Variants in SERINC5 observed in about 807,000 individuals in gnomAD.
SERINC5 encodes the protein chromosome 5 open reading frame 12.
A neutral mutation model predicts 63.1 loss-of-function variants in SERINC5; 41 were observed. The observed-to-expected ratio is 0.65, with a 90% CI of 0.51 to 0.84. The LOEUF (loss-of-function observed/expected upper bound fraction) is 0.84, where lower values mean the gene tolerates loss of function less well. Ranked by LOEUF, SERINC5 falls within the 40% of genes least tolerant of loss-of-function variation. The pLI is 0.00. For synonymous variants in SERINC5, 222 were observed against 215.2 expected (o/e 1.03, Z -0.28); for missense variants, 523 against 573.0 (o/e 0.91, Z 0.89).
intron 1 of SERINC5, among the ~76,000 whole-genome samples, chr5:80,208,126 A>G (rs550775998): frequency 6.6e-6 from 1 of 152,214 alleles, no homozygotes; most frequent in Non-Finnish European, 1.5e-5. Context: ...TAAAGCTTTT[A>G]CTGAAAAAGT....
At chr5:80,118,714 A>ATTTTTT (rs34814066) in intron 11 of SERINC5, among the ~76,000 whole-genome samples, 75 of 108,218 alleles carry the variant, frequency 6.9e-4, no homozygotes, top group African/African-American at 2.1e-3. Context: ...TGTCCAGCTA[A>ATTTTTT]TTTTTTTTTT....
chr5:80,134,417 T>C (rs376797495), downstream of SERINC5, among the ~76,000 whole-genome samples: 8 of 152,054 alleles, frequency 5.3e-5, no homozygotes, highest in East Asian at 1.4e-3. Context: ...ACCCAGGAGG[T>C]GGAGATTGCA....
Position 80,203,053 on chromosome 5 carries a change from G to C in SERINC5, c.28C>G (p.Leu10Val), listed in dbSNP as rs769242465. MSAQCCAGQLACCCGSAGCS... is the reference protein window; with the variant it reads MSAQCCAGQVACCCGSAGCS... ...CCTGCAGACCCACAGCAGCAGGCCAGCTAGAAAAGGAACAGAAGGCATCTG... is the reference window on the plus strand; with the variant it reads ...CCTGCAGACCCACAGCAGCAGGCCACCTAGAAAAGGAACAGAAGGCATCTG... The change falls in exon 2 of 12, where the codon CTG (leucine) becomes GTG (valine). Residue 10 changes from leucine (L) to valine (V), a missense_variant and splice_region_variant. By Grantham distance (32) the Leu-to-Val change is conservative. Coordinates refer to ENST00000507668, the MANE Select transcript of SERINC5 (RefSeq NM_001174072.3). 2 of 1,602,220 alleles carry C rather than the reference G, an allele frequency of 1.2e-6. No individual in the cohort carries two copies. Among genetic ancestry groups the C allele is most frequent in the African/African-American group, 1.3e-5 (1 of 74,580 alleles).
Position 80,189,184 on chromosome 5 carries a change from A to G in SERINC5, c.196-11120T>C, listed in dbSNP as rs76362862. 9.3e-3 allele frequency among the ~76,000 whole-genome samples: 1,422 copies of G among 152,280 alleles called. 30 individuals are homozygous for G. The highest frequency in any genetic ancestry group is 0.033 in the African/African-American group (1,362 of 41,540). On this transcript the variant is annotated intron_variant, in intron 2 of 11. Coordinates refer to ENST00000507668, the MANE Select transcript of SERINC5 (RefSeq NM_001174072.3). The stretch of plus-strand genomic sequence containing the variant: ...TTGAACGGATACTGCCAAACTCTCC[A>G]TAAGAAGGGTTTTGGAAACTCTGGA...
Position 80,143,784 on chromosome 5 carries a change from A to C in SERINC5, c.1265T>G (p.Phe422Cys). 1.3e-6 allele frequency: 2 copies of C among 1,536,156 alleles called. No individual in the cohort carries two copies. Among genetic ancestry groups the C allele is most frequent in the Non-Finnish European group, 1.7e-6 (2 of 1,146,886 alleles). The change falls in exon 12 of 12, where the codon TTC (phenylalanine) becomes TGC (cysteine). Residue 422 changes from phenylalanine (F) to cysteine (C), a missense_variant. By Grantham distance (205) the Phe-to-Cys change is radical. Transcript: ENST00000507668. ...FNYESANIES[F>C]FSGSWSIFWV... ...GAAGATGGACCAGCTCCCGCTGAAG[A>C]AGCTCTCGATGTTGGCACTTTCGTA...
intron 5 of SERINC5, 93 bp downstream of exon 5, chr5:80,174,861 C>A (rs1747925519): frequency 1.3e-6 from 1 of 780,646 alleles, no homozygotes; most frequent in Non-Finnish European, 2.0e-6. Context: ...GGAAACAAAA[C>A]TGCAAATCCC....
At chr5:80,173,223 AAAGAAGGAAGGAAGGAAGG>A (rs899294869) in intron 5 of SERINC5, among the ~76,000 whole-genome samples, 40 of 132,012 alleles carry the variant, frequency 3.0e-4, no homozygotes, top group African/African-American at 1.1e-3. Flanking sequence ...GGCAGGAAGG[AAAGAAGGAAGGAAGGAAGG>A]AAGGAAGGAA....
intron 1 of SERINC5, among the ~76,000 whole-genome samples, chr5:80,206,158 T>C (rs1750153535): frequency 6.6e-6 from 1 of 152,306 alleles, no homozygotes; most frequent in East Asian, 1.9e-4. Flanking sequence ...AAAATCTGTA[T>C]GTATTAACAC....
chr5:80,177,314 C>T lies in SERINC5; in HGVS notation c.457+1G>A, dbSNP rs892700129. On this transcript the variant is annotated splice_donor_variant, in intron 4 of 11. Coordinates refer to ENST00000507668, the MANE Select transcript of SERINC5 (RefSeq NM_001174072.3). LOFTEE classifies it high-confidence loss of function. ...AGATACCCAAAATACCCCATTAGTA[C>T]CGTTCAGAAAGGTGTCCTGATCTGG... 1.9e-6 allele frequency: 3 copies of T among 1,608,094 alleles called. No individual in the cohort carries two copies. The highest frequency in any genetic ancestry group is 1.7e-6 in the Non-Finnish European group (2 of 1,174,720).
chr5:80,159,258 G>T (rs1746734217), intron 7 of SERINC5, among the ~76,000 whole-genome samples: 1 of 152,166 alleles, frequency 6.6e-6, no homozygotes, highest in Non-Finnish European at 1.5e-5. Flanking sequence ...TCGAAGTCAG[G>T]TGCATTTTTC....
At position 80,255,903 on chromosome 5, in the gene SERINC5, G is replaced by T. The variant is rs868415074; in HGVS notation, c.20C>A (p.Ala7Glu). The change falls in exon 1 of 12, where the codon GCG becomes GAG. Residue 7 changes from alanine to glutamate, a missense_variant. By Grantham distance (107) the Ala-to-Glu change is moderately radical. Transcript: ENST00000507668. ...GCGCCCGGCCTCGCTCACCTGGCCC[G>T]CACAGCACTGAGCTGACATCGCGGC... The part of the protein sequence containing the change: MSAQCC[A>E]GQLACCCGSA... 6.3e-7 allele frequency: 1 copy of T among 1,585,050 alleles called. No homozygotes were observed. The highest frequency in any genetic ancestry group is 8.5e-7 in the Non-Finnish European group (1 of 1,171,340).
At chr5:80,206,811 CTTT>C (rs35026792) in intron 1 of SERINC5, among the ~76,000 whole-genome samples, 3 of 117,786 alleles carry the variant, frequency 2.5e-5, no homozygotes, top group African/African-American at 3.2e-5. Context: ...TCACTGATTG[CTTT>C]TTTTTTTTTT....
At chr5:80,244,631 A>G (rs977002180) in intron 1 of SERINC5, among the ~76,000 whole-genome samples, 4 of 151,598 alleles carry the variant, frequency 2.6e-5, no homozygotes, top group Non-Finnish European at 5.9e-5. Flanking sequence ...GATCAGCCTG[A>G]CCAACATGAA....
chr5:80,180,928 G>A lies in SERINC5; in HGVS notation c.196-2864C>T, dbSNP rs547363927. On this transcript the variant is annotated intron_variant, in intron 2 of 11. Coordinates refer to ENST00000507668, the MANE Select transcript of SERINC5 (RefSeq NM_001174072.3). ...AGATTGCAGACCTAAAGTTACAGCT[G>A]ACATGTCCTTTTTTATGGGAAGATA... Among the ~76,000 whole-genome samples the A allele has an allele frequency of 2.6e-4, 40 of 152,310 alleles. No individual in the cohort carries two copies. In the South Asian group the frequency reaches 8.3e-3, roughly 32 times the overall value.
chr5:80,141,158 T>A lies in SERINC5; in HGVS notation c.*2505A>T, dbSNP rs1431769317. On this transcript the variant is annotated 3_prime_UTR_variant, in exon 12 of 12. Coordinates refer to ENST00000507668, the MANE Select transcript of SERINC5 (RefSeq NM_001174072.3). Reference sequence around the variant, plus strand: ...CTCAATCCTCAGATACATCCACATCTGTTTTGTTCATCCAGATACACGTGC... The same window carrying A: ...CTCAATCCTCAGATACATCCACATCAGTTTTGTTCATCCAGATACACGTGC... 1 of 985,320 alleles carries A rather than the reference T, an allele frequency of 1.0e-6. No individual in the cohort carries two copies. The highest frequency in any genetic ancestry group is 1.2e-6 in the Non-Finnish European group (1 of 829,934). The allele number at this position is 985,320 out of a possible 1,614,324, so 61.0% of individuals were successfully genotyped here. A position where few individuals can be genotyped will look rare whatever the true frequency, so the allele number is the denominator to read the frequency against.
At chr5:80,116,355 T>C (rs1229765834) in intron 11 of SERINC5, 4 of 456,142 alleles carry the variant, frequency 8.8e-6, no homozygotes, top group Non-Finnish European at 1.8e-5. Context: ...AAATCTCACC[T>C]TGTGTTCCCT....
chr5:80,188,394 A>G (rs1295504496), intron 2 of SERINC5, among the ~76,000 whole-genome samples: 1 of 152,188 alleles, frequency 6.6e-6, no homozygotes, highest in African/African-American at 2.4e-5. Context: ...GTAAATTACA[A>G]TAAAAATACA....
chr5:80,112,613 G>A (rs549255718), intron 12 of SERINC5, among the ~76,000 whole-genome samples: 84 of 152,038 alleles, frequency 5.5e-4, no homozygotes, highest in Non-Finnish European at 9.4e-4. Context: ...CCCACCTGAC[G>A]AGAAATACCC....
At chr5:80,254,982 G>A (rs1032454416) in intron 1 of SERINC5, 22 of 152,200 alleles carry the variant, frequency 1.4e-4, no homozygotes. Flanking sequence ...GCTCCCTAGA[G>A]TCTGATTCGT....
Sources: gnomAD v4.1 joint callset for allele counts (sites outside exome capture counted in the v4.1 genomes callset) on GRCh38, gnomAD v4.1.1 for gene constraint, MANE v1.5 for transcripts, NCBI Gene and HGNC (gene_info 2026-07-23, HGNC 2026-07-21) for gene names.